Variants in VPS54 observed in about 807,000 individuals in gnomAD.
VPS54 encodes vacuolar protein sorting-associated protein 54.
VPS54 carries 45 observed loss-of-function variants against 121.5 expected under a neutral mutation model. The observed-to-expected ratio is 0.37, with a 90% CI of 0.29 to 0.47. The LOEUF is 0.47. VPS54 is among the 20% of genes least tolerant of loss of function. The pLI is 0.99. For synonymous variants in VPS54, 371 were observed against 385.8 expected, an observed-to-expected ratio of 0.96 and a Z score of 0.45; for missense variants, 1,090 against 1,131.4, an observed-to-expected ratio of 0.96 and a Z score of 0.52.
chr2:63,929,722 A>G (rs1674092828), intron 12 of VPS54, among the ~76,000 whole-genome samples: 1 of 152,078 alleles, frequency 6.6e-6, no homozygotes, highest in Non-Finnish European at 1.5e-5. Context: ...AAAAAAATCA[A>G]TGAATCCAGG....
At chr2:63,917,305 G>A (rs1673429892) in intron 15 of VPS54, among the ~76,000 whole-genome samples, 1 of 151,954 alleles carries the variant, frequency 6.6e-6, no homozygotes, top group Admixed American at 6.6e-5. Context: ...CTATCCCTTA[G>A]GGCTGGCACA....
intron 9 of VPS54, among the ~76,000 whole-genome samples, chr2:63,946,160 T>C (rs1208702934): frequency 6.6e-6 from 1 of 152,194 alleles, no homozygotes; most frequent in South Asian, 2.1e-4. Flanking sequence ...TTTCTGTGTC[T>C]GGTTTCTTTG....
At chr2:63,908,102 C>T (rs1365937607) in intron 20 of VPS54, among the ~76,000 whole-genome samples, 1 of 152,164 alleles carries the variant, frequency 6.6e-6, no homozygotes, top group African/African-American at 2.4e-5. Context: ...CATACCTACA[C>T]AAAGACTGTA....
intron 1 of VPS54, among the ~76,000 whole-genome samples, chr2:64,013,628 A>T (rs1416586967): frequency 2.1e-5 from 3 of 146,234 alleles, no homozygotes; most frequent in Non-Finnish European, 3.0e-5. Flanking sequence ...CAGCATTTAT[A>T]TATAAATATA....
chr2:63,917,209 G>A (rs1167498394), intron 15 of VPS54, among the ~76,000 whole-genome samples: 3 of 152,124 alleles, frequency 2.0e-5, no homozygotes, highest in East Asian at 3.9e-4. Flanking sequence ...TAACCTCTTT[G>A]AGTATCACTA....
chr2:64,015,431 G>C (rs1380618184), intron 1 of VPS54, among the ~76,000 whole-genome samples: 1 of 152,068 alleles, frequency 6.6e-6, no homozygotes. Flanking sequence ...CGCCCACTGA[G>C]ACTATTCTCC....
At chr2:63,918,368 CAT>C (rs1170796802) in intron 15 of VPS54, among the ~76,000 whole-genome samples, 3 of 152,006 alleles carry the variant, frequency 2.0e-5, no homozygotes, top group East Asian at 3.9e-4. Context: ...GGACAGAAAA[CAT>C]ATCCTAGTCA....
intron 1 of VPS54, among the ~76,000 whole-genome samples, chr2:63,995,094 T>C (rs1004838756): frequency 6.6e-6 from 1 of 152,190 alleles, no homozygotes; most frequent in Non-Finnish European, 1.5e-5. Flanking sequence ...AAATTGGCTA[T>C]TGCCATGTCT....
chr2:63,946,850 C>T (rs192098992), intron 9 of VPS54, among the ~76,000 whole-genome samples: 2 of 152,104 alleles, frequency 1.3e-5, no homozygotes, highest in African/African-American at 2.4e-5. Flanking sequence ...AAATTCTATA[C>T]ATCAAATAAC....
At chr2:63,998,782 T>A (rs907042406) in intron 1 of VPS54, among the ~76,000 whole-genome samples, 2 of 152,166 alleles carry the variant, frequency 1.3e-5, no homozygotes, top group African/African-American at 4.8e-5. Context: ...ATAGTTATAA[T>A]TTTTTATTGG....
intron 20 of VPS54, among the ~76,000 whole-genome samples, chr2:63,901,641 C>T (rs1464782595): frequency 6.6e-6 from 1 of 152,230 alleles, no homozygotes; most frequent in East Asian, 1.9e-4. Context: ...TATTCTCATA[C>T]AAAGTAAAAG....
chr2:63,925,346 A>T (rs1400796474), intron 12 of VPS54, among the ~76,000 whole-genome samples: 2 of 152,246 alleles, frequency 1.3e-5, no homozygotes, highest in Non-Finnish European at 2.9e-5. Context: ...CATACCCAAC[A>T]GAATGGCTAA....
rs1672589399 is a variant in VPS54, at chr2:63,899,589, G to GA, written c.2626-9dup. The GA allele has an allele frequency of 6.2e-7, 1 of 1,605,790 alleles. No individual in the cohort carries two copies. Among genetic ancestry groups the GA allele is most frequent in the Admixed American group, 1.7e-5 (1 of 59,194 alleles). On this transcript the variant is annotated splice_polypyrimidine_tract_variant and intron_variant, in intron 20 of 22. Transcript: ENST00000272322. ...AGGAGCCTTCACTTCATACTGGTAG[G>GA]AAAAAATAATGAGAATTATGTTCAT...
At chr2:64,010,883 G>A (rs1399284720) in intron 1 of VPS54, among the ~76,000 whole-genome samples, 1 of 152,104 alleles carries the variant, frequency 6.6e-6, no homozygotes, top group Non-Finnish European at 1.5e-5. Context: ...GAGGCTTAAG[G>A]AACCCAGAAA....
intron 12 of VPS54, among the ~76,000 whole-genome samples, chr2:63,925,591 CA>C (rs1349649703): frequency 5.9e-5 from 9 of 152,066 alleles, no homozygotes; most frequent in Non-Finnish European, 8.8e-5. Flanking sequence ...GAAAATAACC[CA>C]AATCTTATCA....
intron 4 of VPS54, among the ~76,000 whole-genome samples, chr2:63,970,212 T>TACACACACAC (rs150635007): frequency 8.8e-6 from 1 of 113,670 alleles, no homozygotes; most frequent in Non-Finnish European, 1.8e-5. Flanking sequence ...AATATATATA[T>TACACACACAC]ACACACACAC....
At chr2:63,994,417 G>A (rs996344111) in intron 1 of VPS54, among the ~76,000 whole-genome samples, 9 of 151,798 alleles carry the variant, frequency 5.9e-5, no homozygotes, top group African/African-American at 9.7e-5. Context: ...CCACTTATTC[G>A]ACCACTCACC....
chr2:63,970,930 C>T (rs1039246950), intron 4 of VPS54, among the ~76,000 whole-genome samples: 2 of 152,250 alleles, frequency 1.3e-5, no homozygotes, highest in African/African-American at 4.8e-5. Flanking sequence ...ACCATACCTA[C>T]ATCTTCAGCC....
At chr2:63,902,744 G>T (rs1487771093) in intron 20 of VPS54, among the ~76,000 whole-genome samples, 1 of 152,126 alleles carries the variant, frequency 6.6e-6, no homozygotes, top group African/African-American at 2.4e-5. Flanking sequence ...TGAGGCGGGT[G>T]GATCACCTGA....
Sources: gnomAD v4.1 joint callset for allele counts (sites outside exome capture counted in the v4.1 genomes callset) on GRCh38, gnomAD v4.1.1 for gene constraint, MANE v1.5 for transcripts, NCBI Gene and HGNC (gene_info 2026-07-23, HGNC 2026-07-21) for gene names.